The following NPAS2 variants were observed in gnomAD, a reference collection of about 807,000 sequenced individuals.
NPAS2 encodes neuronal PAS domain protein 2.
In NPAS2, 23 loss-of-function variants were observed where a neutral mutation model predicts 107.5. That is an observed-to-expected ratio of 0.21 (90% confidence interval 0.15 to 0.30). The LOEUF (loss-of-function observed/expected upper bound fraction) is 0.30, where lower values mean the gene tolerates loss of function less well. Ranked by LOEUF, NPAS2 falls within the 10% of genes least tolerant of loss-of-function variation. The pLI, the probability that NPAS2 is intolerant of heterozygous loss-of-function variation, is 1.00. For synonymous variants in NPAS2, 403 were observed against 417.5 expected (o/e 0.97, Z 0.42); for missense variants, 756 against 1,043.3 (o/e 0.72, Z 3.79).
chr2:100,880,593 T>C (rs537102335), intron 1 of NPAS2, among the ~76,000 whole-genome samples: 5 of 152,216 alleles, frequency 3.3e-5, no homozygotes, highest in Middle Eastern at 3.4e-3. Context: ...AGACAGGGAA[T>C]TGGGGGAGGT....
chr2:100,848,279 C>A (rs560031277), intron 1 of NPAS2, among the ~76,000 whole-genome samples: 1 of 152,208 alleles, frequency 6.6e-6, no homozygotes, highest in South Asian at 2.1e-4. Context: ...CCCATTGGCC[C>A]AGTTTTTCTT....
At chr2:100,907,898 A>T (rs549429419) in intron 2 of NPAS2, among the ~76,000 whole-genome samples, 7 of 152,284 alleles carry the variant, frequency 4.6e-5, no homozygotes, top group Admixed American at 4.6e-4. Flanking sequence ...TAGTCCTTGT[A>T]CTCAAGAAGG....
At chr2:100,902,460 T>C (rs916890184) in intron 1 of NPAS2, among the ~76,000 whole-genome samples, 9 of 152,198 alleles carry the variant, frequency 5.9e-5, no homozygotes, top group African/African-American at 1.9e-4. Context: ...CTGTGTGAAA[T>C]AAGCCAAATA....
intron 1 of NPAS2, among the ~76,000 whole-genome samples, chr2:100,899,071 A>G (rs1681608171): frequency 6.6e-6 from 1 of 152,164 alleles, no homozygotes; most frequent in East Asian, 1.9e-4. Context: ...CAAAATTGTC[A>G]AGGCCTGAGA....
chr2:100,915,182 T>C (rs952065474), intron 2 of NPAS2, among the ~76,000 whole-genome samples: 1 of 145,178 alleles, frequency 6.9e-6, no homozygotes, highest in Non-Finnish European at 1.5e-5. Context: ...TGAAACCTTT[T>C]ATGCAGAGGA....
At chr2:100,937,575 A>G (rs912647945) in intron 4 of NPAS2, among the ~76,000 whole-genome samples, 178 bp from the exon 5 acceptor site, 9 of 152,148 alleles carry the variant, frequency 5.9e-5, no homozygotes, top group Non-Finnish European at 1.3e-4. Flanking sequence ...GGCCAGACAC[A>G]TTTTCTGTAA....
At chr2:100,961,313 A>T (rs1432544988) in intron 7 of NPAS2, among the ~76,000 whole-genome samples, 16 of 152,184 alleles carry the variant, frequency 1.1e-4, no homozygotes, top group Admixed American at 1.0e-3. Flanking sequence ...GGAAAAAGTT[A>T]TTTCAAATGC....
chr2:100,982,483 C>A, intron 16 of NPAS2, 106 bp downstream of exon 16: 2 of 1,292,906 alleles, frequency 1.5e-6, no homozygotes, highest in Non-Finnish European at 2.1e-6. Context: ...GTGAACTGCC[C>A]TGCCAAGCCC....
intron 1 of NPAS2, among the ~76,000 whole-genome samples, chr2:100,849,805 C>T (rs959398659): frequency 6.6e-6 from 1 of 151,816 alleles, no homozygotes; most frequent in African/African-American, 2.4e-5. Context: ...TGGTTCTGGT[C>T]CCACAGAGGT....
chr2:100,858,202 C>T (rs1678705657), intron 1 of NPAS2, among the ~76,000 whole-genome samples: 1 of 152,146 alleles, frequency 6.6e-6, no homozygotes, highest in Non-Finnish European at 1.5e-5. Context: ...AAGCTACAGG[C>T]CATCTGACTC....
At position 100,982,366 on chromosome 2, in the gene NPAS2, T is replaced by G; in HGVS notation, c.1618T>G (p.Ser540Ala). ...IQEQLCLVQDSNVQMFLQQPA... is the reference protein window; with the variant it reads ...IQEQLCLVQDANVQMFLQQPA... ...GGAGCAGCTCTGCCTGGTCCAGGACTCCAACGTCCAGGTGATCCCCTTCCC... is the reference window on the plus strand; with the variant it reads ...GGAGCAGCTCTGCCTGGTCCAGGACGCCAACGTCCAGGTGATCCCCTTCCC... The change falls in exon 16 of 21, where the codon TCC becomes GCC. Residue 540 changes from serine (S) to alanine (A), a missense_variant. Ser to Ala is a moderately conservative substitution (Grantham distance 99, BLOSUM62 1). Around this residue, in one of 4 missense-constraint regions of NPAS2, gnomAD observed 496 missense variants for 594.4 expected, o/e 0.83. Transcript: ENST00000335681. 6.2e-7 allele frequency: 1 copy of G among 1,613,938 alleles called. No individual in the cohort carries two copies. The highest frequency in any genetic ancestry group is 1.1e-5 in the South Asian group (1 of 91,072).
At chr2:100,981,366 G>C (rs1432067250) in intron 15 of NPAS2, among the ~76,000 whole-genome samples, 1 of 152,176 alleles carries the variant, frequency 6.6e-6, no homozygotes, top group African/African-American at 2.4e-5. Context: ...AGATATGGGA[G>C]TCATAGCCCC....
intron 2 of NPAS2, among the ~76,000 whole-genome samples, chr2:100,914,611 C>T (rs781103113): frequency 4.6e-5 from 7 of 152,330 alleles, no homozygotes; most frequent in Admixed American, 6.5e-5. Flanking sequence ...CTTATAATTA[C>T]AGTCCAGCTC....
At chr2:100,987,749 G>A (rs558584892) in intron 16 of NPAS2, 24 of 305,336 alleles carry the variant, frequency 7.9e-5, no homozygotes, top group Middle Eastern at 1.0e-3. Flanking sequence ...GGAAGAAGCT[G>A]GTAAGCCAAC....
chr2:100,852,253 C>T (rs539796895), intron 1 of NPAS2, among the ~76,000 whole-genome samples: 59 of 151,910 alleles, frequency 3.9e-4, no homozygotes, highest in South Asian at 8.3e-4. Context: ...AAAAATTAGC[C>T]GGGCGTGGTG....
chr2:100,870,730 A>G (rs1679530890), intron 1 of NPAS2, among the ~76,000 whole-genome samples: 1 of 152,210 alleles, frequency 6.6e-6, no homozygotes. Context: ...TGATATAGGC[A>G]GGTCCCTTCT....
At chr2:100,929,718 GCCTTTCA>G (rs1558881584) in intron 3 of NPAS2, among the ~76,000 whole-genome samples, 2 of 152,172 alleles carry the variant, frequency 1.3e-5, no homozygotes, top group Non-Finnish European at 2.9e-5. Context: ...AGGGTGGAGA[GCCTTTCA>G]CCAGCAGATG....
intron 5 of NPAS2, among the ~76,000 whole-genome samples, chr2:100,947,378 C>A (rs925982074): frequency 6.6e-6 from 1 of 151,904 alleles, no homozygotes; most frequent in Non-Finnish European, 1.5e-5. Context: ...CGGTGAAACC[C>A]GTCTCTACTA....
At chr2:100,971,417 T>G (rs1474642641) in intron 12 of NPAS2, among the ~76,000 whole-genome samples, 1 of 151,318 alleles carries the variant, frequency 6.6e-6, no homozygotes, top group Non-Finnish European at 1.5e-5. Context: ...CCACTCGGCA[T>G]CTCCTCCACA....
Sources: allele counts gnomAD v4.1 joint callset (sites outside exome capture counted in the v4.1 genomes callset), GRCh38; gene constraint gnomAD v4.1.1; regional missense constraint gnomAD v4.1.1; transcripts MANE v1.5; gene names NCBI Gene and HGNC (gene_info 2026-07-23, HGNC 2026-07-21).